Variants in EPS8 observed in about 807,000 individuals in gnomAD.
EPS8 encodes the protein EGFR pathway substrate 8, signaling adaptor.
In EPS8, 42 loss-of-function variants were observed where a neutral mutation model predicts 103.8. The ratio of observed to expected loss-of-function variants is 0.40; its 90% CI spans 0.32 to 0.52. The LOEUF (loss-of-function observed/expected upper bound fraction) is 0.52, where lower values mean the gene tolerates loss of function less well. Ranked by LOEUF, EPS8 falls within the 20% of genes least tolerant of loss-of-function variation. The pLI, the probability that EPS8 is intolerant of heterozygous loss-of-function variation, is 0.40. For missense variants in EPS8, 969 were observed against 1,005.1 expected (o/e 0.96, Z 0.49); for synonymous variants, 344 against 344.6 (o/e 1.00, Z 0.02).
intron 2 of EPS8, among the ~76,000 whole-genome samples, chr12:15,682,012 T>C (rs1946017377): frequency 2.0e-5 from 3 of 152,046 alleles, no homozygotes; most frequent in Admixed American, 1.3e-4. Context: ...AGATATGACA[T>C]GTAAAATCAA....
intron 3 of EPS8, among the ~76,000 whole-genome samples, chr12:15,672,684 G>A (rs1160009227): frequency 2.6e-5 from 4 of 152,264 alleles, no homozygotes; most frequent in Non-Finnish European, 5.9e-5. Context: ...TTAACACATC[G>A]ATAATTGTCC....
intron 1 of EPS8, among the ~76,000 whole-genome samples, chr12:15,744,652 A>G (rs1719259895): frequency 6.6e-6 from 1 of 152,242 alleles, no homozygotes. Context: ...AACATGTAGA[A>G]TTTGAGTAAC....
chr12:15,765,211 C>T (rs1947081047), intron 1 of EPS8, among the ~76,000 whole-genome samples: 1 of 152,052 alleles, frequency 6.6e-6, no homozygotes, highest in African/African-American at 2.4e-5. Context: ...CTAAATGAAA[C>T]AAAATAAGCC....
rs542161763 is a variant in EPS8 at position 15,634,224 on chromosome 12, G to A, written c.1822-2560C>T. Reference sequence around the variant, plus strand: ...CAGACTCCCCAGCTGGGAACTGGGAGGGTTGGTCAGCCTGGTGTGGACCTA... The same window carrying A: ...CAGACTCCCCAGCTGGGAACTGGGAAGGTTGGTCAGCCTGGTGTGGACCTA... On this transcript the variant is annotated intron_variant, in intron 17 of 20. Coordinates refer to ENST00000281172, the MANE Select transcript of EPS8 (RefSeq NM_004447.6). Among the ~76,000 whole-genome samples the A allele has an allele frequency of 4.6e-5, 7 of 152,312 alleles. No individual in the cohort carries two copies. In the South Asian group the frequency reaches 1.5e-3, roughly 32 times the overall value.
intron 16 of EPS8, 37 bp from the exon 17 acceptor site, chr12:15,640,883 A>G: frequency 6.3e-7 from 1 of 1,594,948 alleles, no homozygotes; most frequent in Non-Finnish European, 8.5e-7. Context: ...TAATTTCCAT[A>G]TAAAAGCCAT....
rs891608337 is a variant in EPS8, at chr12:15,706,322, G to A, written c.-21-23350C>T. On this transcript the variant is annotated intron_variant, in intron 1 of 20. Transcript: ENST00000281172. The surrounding 1 kb of genome is among the most constrained non-coding windows in gnomAD (Gnocchi z 5.2). Reference sequence around the variant, plus strand: ...ACCTGGGATTCAAAAGGCAAGGCGGGAAGCACTGCAGCATTGACAATGCCA... The same window carrying A: ...ACCTGGGATTCAAAAGGCAAGGCGGAAAGCACTGCAGCATTGACAATGCCA... Among the ~76,000 whole-genome samples, 2 of 152,202 alleles carry A rather than the reference G, an allele frequency of 1.3e-5. No homozygotes were observed. Among genetic ancestry groups the A allele is most frequent in the African/African-American group, 4.8e-5 (2 of 41,454 alleles).
chr12:15,758,379 A>G (rs1386688562), intron 1 of EPS8, among the ~76,000 whole-genome samples: 1 of 152,236 alleles, frequency 6.6e-6, no homozygotes, highest in African/African-American at 2.4e-5. Flanking sequence ...ACTCCAAAAA[A>G]TCAATTTCAC....
chr12:15,647,812 C>T (rs1394063038), intron 14 of EPS8, among the ~76,000 whole-genome samples: 1 of 152,156 alleles, frequency 6.6e-6, no homozygotes, highest in African/African-American at 2.4e-5. Flanking sequence ...ATAGGTCCCA[C>T]TGAGGACCAC....
At chr12:15,637,734 G>T (rs1363481325) in intron 17 of EPS8, among the ~76,000 whole-genome samples, 1 of 152,154 alleles carries the variant, frequency 6.6e-6, no homozygotes, top group Non-Finnish European at 1.5e-5. Context: ...GATATCACTG[G>T]ATGAAAGAGA....
rs2136018306 is a variant in EPS8 at position 15,751,210 on chromosome 12, T to C, written c.-22+37951A>G. 6.6e-6 allele frequency among the ~76,000 whole-genome samples: 1 copy of C among 152,088 alleles called. No individual in the cohort carries two copies. Among genetic ancestry groups the C allele is most frequent in the Middle Eastern group, 3.4e-3 (1 of 294 alleles). On this transcript the variant is annotated intron_variant, in intron 1 of 20. Coordinates refer to ENST00000281172, the MANE Select transcript of EPS8 (RefSeq NM_004447.6). The surrounding 1 kb of genome is among the most constrained non-coding windows in gnomAD (Gnocchi z 4.3). ...CTGTCTCTACTAAAAATATAAAAAT[T>C]AGCCACACGTAGTGGTGTGTGCCTG...
intron 1 of EPS8, among the ~76,000 whole-genome samples, chr12:15,743,789 A>G (rs1470409995): frequency 1.3e-5 from 2 of 152,194 alleles, no homozygotes. Context: ...TACATGTTAG[A>G]CCTAAAACCA....
intron 17 of EPS8, among the ~76,000 whole-genome samples, chr12:15,634,201 G>A (rs575074218): frequency 2.0e-5 from 3 of 152,286 alleles, no homozygotes; most frequent in South Asian, 4.1e-4. Context: ...AAACCCCTCA[G>A]ACTCCCCAGC....
Position 15,769,648 on chromosome 12 carries a change from C to T in EPS8, c.-22+19513G>A, listed in dbSNP as rs1189439398. ...ATAATCTCTATATAATTATTCTGCA[C>T]ATCACGAGAATATTCAAGACTCTAT... On this transcript the variant is annotated intron_variant, in intron 1 of 20. Transcript: ENST00000281172. This position sits in a 1 kb window ranked among gnomAD's most constrained non-coding sequence, Gnocchi z 4.6. Among the ~76,000 whole-genome samples, 1 of 152,138 alleles carries T rather than the reference C, an allele frequency of 6.6e-6. No individual in the cohort carries two copies.
Position 15,621,156 on chromosome 12 carries a change from C to A in EPS8, c.*161G>T. The A allele has an allele frequency of 2.1e-6, 1 of 465,198 alleles. No individual in the cohort carries two copies. Among genetic ancestry groups the A allele is most frequent in the Non-Finnish European group, 3.7e-6 (1 of 268,908 alleles). The allele number at this position is 465,198 out of a possible 1,614,324, so 28.8% of individuals were successfully genotyped here. On this transcript the variant is annotated 3_prime_UTR_variant, in exon 21 of 21. Transcript: ENST00000281172. ...TTCAGTTTTAATAAAAATAATGGGC[C>A]TAGAAGCAAATCCTGTGCTCACTCA...
At chr12:15,711,775 A>T (rs1946468576) in intron 1 of EPS8, among the ~76,000 whole-genome samples, 3 of 152,244 alleles carry the variant, frequency 2.0e-5, no homozygotes, top group Admixed American at 6.5e-5. Context: ...TTTACAGTAT[A>T]TAAGGGTCTT....
intron 8 of EPS8, chr12:15,664,988 G>A (rs1378485497): frequency 6.6e-6 from 1 of 151,660 alleles, no homozygotes; most frequent in East Asian, 1.9e-4. Context: ...ACGCTCATAG[G>A]GCCCACTTGA....
In EPS8 at chr12:15,631,458, T is replaced by C; in HGVS notation, c.2028A>G (p.Lys676=). The C allele has an allele frequency of 3.7e-6, 6 of 1,614,084 alleles. No homozygotes were observed. The highest frequency in any genetic ancestry group is 4.5e-5 in the East Asian group (2 of 44,880). Residue 676 remains lysine, a synonymous_variant, in exon 18 of 21, where the codon AAA becomes AAG. Transcript: ENST00000281172. ...GSIVRDSQRH[K]QLPVDRRKSQ... The stretch of plus-strand genomic sequence containing the variant: ...GAAACTTACGGTCCACCGGAAGTTG[T>C]TTGTGTCTCTGGCTGTCTCGCACGA...
chr12:15,715,837 A>C (rs1362178365), intron 1 of EPS8, among the ~76,000 whole-genome samples: 3 of 152,072 alleles, frequency 2.0e-5, no homozygotes, highest in African/African-American at 7.2e-5. Flanking sequence ...TTTCCATCTC[A>C]AAATCTGCTT....
At chr12:15,782,794 T>G (rs535451697) in intron 1 of EPS8, among the ~76,000 whole-genome samples, 18 of 152,328 alleles carry the variant, frequency 1.2e-4, no homozygotes, top group African/African-American at 3.8e-4. Context: ...TAGTACATAC[T>G]GTACTACTGT....
Sources: allele counts gnomAD v4.1 joint callset (sites outside exome capture counted in the v4.1 genomes callset), GRCh38; gene constraint gnomAD v4.1.1; non-coding constraint Gnocchi (gnomAD v3.1); transcripts MANE v1.5; gene names NCBI Gene and HGNC (gene_info 2026-07-23, HGNC 2026-07-21).